CADM2: variants seen among roughly 807,000 people sequenced by gnomAD.
CADM2 encodes cell adhesion molecule 2, also known as immunoglobulin superfamily member 4D.
In CADM2, 12 loss-of-function variants were observed where a neutral mutation model predicts 49.8. The ratio of observed to expected loss-of-function variants is 0.24; its 90% CI spans 0.15 to 0.39. The LOEUF (loss-of-function observed/expected upper bound fraction) is 0.39, where lower values mean the gene tolerates loss of function less well. Ranked by LOEUF, CADM2 falls within the 10% of genes least tolerant of loss-of-function variation. CADM2 has a pLI of 1.00. For missense variants in CADM2, 378 were observed against 492.3 expected, an observed-to-expected ratio of 0.77 and a Z score of 2.20; for synonymous variants, 214 against 175.4, an observed-to-expected ratio of 1.22 and a Z score of -1.74.
At chr3:85,360,064 A>G (rs1262068165) in intron 1 of CADM2, among the ~76,000 whole-genome samples, 1 of 151,918 alleles carries the variant, frequency 6.6e-6, no homozygotes, top group Non-Finnish European at 1.5e-5. Flanking sequence ...CACGTATACA[A>G]AGATAAATAC....
intron 1 of CADM2, among the ~76,000 whole-genome samples, chr3:85,577,556 A>G (rs2062670166): frequency 6.6e-6 from 1 of 152,294 alleles, no homozygotes; most frequent in African/African-American, 2.4e-5. Context: ...AAAATCGCCC[A>G]GTCTGTGATA....
At chr3:85,259,289 C>G (rs1319638927) in intron 1 of CADM2, among the ~76,000 whole-genome samples, 1 of 152,096 alleles carries the variant, frequency 6.6e-6, no homozygotes, top group Non-Finnish European at 1.5e-5. Flanking sequence ...ATATTTTAGT[C>G]TGGTAACTAC....
At chr3:85,192,664 C>T (rs2041236324) in intron 1 of CADM2, among the ~76,000 whole-genome samples, 1 of 150,818 alleles carries the variant, frequency 6.6e-6, no homozygotes, top group Non-Finnish European at 1.5e-5. Context: ...AAATGAAGAT[C>T]AATGTGAAAT....
At chr3:85,875,611 A>T (rs1320194683) in intron 3 of CADM2, among the ~76,000 whole-genome samples, 1 of 152,178 alleles carries the variant, frequency 6.6e-6, no homozygotes, top group Non-Finnish European at 1.5e-5. Flanking sequence ...CCTGATTCTG[A>T]TCCTTGGGGG....
chr3:85,275,400 A>C (rs1388495344), intron 1 of CADM2, among the ~76,000 whole-genome samples: 1 of 151,472 alleles, frequency 6.6e-6, no homozygotes, highest in Non-Finnish European at 1.5e-5. Context: ...GATTCATTGT[A>C]GATTTGTTTT....
chr3:85,053,576 C>T (rs1387909473), intron 1 of CADM2, among the ~76,000 whole-genome samples: 1 of 151,766 alleles, frequency 6.6e-6, no homozygotes, highest in South Asian at 2.1e-4. Context: ...GGCAAATGAG[C>T]CATAGAGATA....
chr3:85,814,766 A>ATATTC lies in CADM2; in HGVS notation c.238+12579_238+12583dup, dbSNP rs1338855872. 7.2e-5 allele frequency among the ~76,000 whole-genome samples: 11 copies of ATATTC among 152,096 alleles called. No homozygotes were observed. In the East Asian group the frequency reaches 2.1e-3, roughly 29 times the overall value. On this transcript the variant is annotated intron_variant, in intron 3 of 9. Coordinates refer to ENST00000383699, the MANE Select transcript of CADM2 (RefSeq NM_001167675.2). ...TGGTAGTTCTATAGAATTCTATAGT[A>ATATTC]TATTCTATTCTATAGTATTCTATTC...
rs182588371 is a variant in CADM2 at position 85,072,011 on chromosome 3, T to C, written c.61+112343T>C. Among the ~76,000 whole-genome samples, 751 of 151,086 alleles carry C rather than the reference T, an allele frequency of 5.0e-3. 5 individuals carry two copies. Among genetic ancestry groups the C allele is most frequent in the Non-Finnish European group, 7.8e-3 (531 of 67,680 alleles). ...ATGAAATGGTAAACTGTAACAGCAA[T>C]AAAATTAGCTTTCATAGCATCATCT... On this transcript the variant is annotated intron_variant, in intron 1 of 9. Coordinates refer to ENST00000383699, the MANE Select transcript of CADM2 (RefSeq NM_001167675.2).
chr3:85,845,081 AGGAGTTTGAGGCT>A (rs946734078), intron 3 of CADM2, among the ~76,000 whole-genome samples: 1 of 149,842 alleles, frequency 6.7e-6, no homozygotes, highest in Non-Finnish European at 1.5e-5. Context: ...ACTTGAGCCC[AGGAGTTTGAGGCT>A]GGAGTGAGCC....
At chr3:85,472,579 G>A (rs936683565) in intron 1 of CADM2, among the ~76,000 whole-genome samples, 3 of 151,976 alleles carry the variant, frequency 2.0e-5, no homozygotes, top group Non-Finnish European at 4.4e-5. Context: ...GAAAATTTCA[G>A]ATGATAAATT....
chr3:86,013,696 C>T, intron 8 of CADM2: 1 of 1,601,082 alleles, frequency 6.2e-7, no homozygotes, highest in Non-Finnish European at 8.5e-7. Context: ...GTTGATGAAT[C>T]TCATAGCCTA....
intron 1 of CADM2, among the ~76,000 whole-genome samples, chr3:85,610,050 A>G (rs1386893031): frequency 6.6e-6 from 1 of 151,950 alleles, no homozygotes. Flanking sequence ...TTATTTCACG[A>G]TGGTAAAAAT....
chr3:85,313,857 AT>A (rs1474595664), intron 1 of CADM2, among the ~76,000 whole-genome samples: 3 of 152,156 alleles, frequency 2.0e-5, no homozygotes, highest in Non-Finnish European at 2.9e-5. Context: ...TAGGAAAGAA[AT>A]TGGCTATAAT....
At chr3:84,971,677 A>C (rs914805981) in intron 1 of CADM2, among the ~76,000 whole-genome samples, 1 of 152,166 alleles carries the variant, frequency 6.6e-6, no homozygotes, top group Non-Finnish European at 1.5e-5. Flanking sequence ...AGAACATATT[A>C]TCCCTGAAAG....
At chr3:85,967,612 C>T (rs1725628881) in intron 8 of CADM2, among the ~76,000 whole-genome samples, 1 of 151,582 alleles carries the variant, frequency 6.6e-6, no homozygotes, top group Admixed American at 6.6e-5. Context: ...TATCAATGAT[C>T]TGAGAACTTC....
intron 1 of CADM2, among the ~76,000 whole-genome samples, chr3:85,097,423 A>T (rs2037841478): frequency 6.6e-6 from 1 of 152,112 alleles, no homozygotes; most frequent in South Asian, 2.1e-4. Context: ...GGTTGGTTCC[A>T]AGTCTTTGCT....
chr3:86,045,620 A>G (rs371276963), intron 8 of CADM2, among the ~76,000 whole-genome samples: 1 of 152,270 alleles, frequency 6.6e-6, no homozygotes, highest in South Asian at 2.1e-4. Flanking sequence ...CATCTATCAG[A>G]AAATAAACAT....
At chr3:85,301,660 TCTG>T (rs1475641368) in intron 1 of CADM2, among the ~76,000 whole-genome samples, 3 of 152,032 alleles carry the variant, frequency 2.0e-5, no homozygotes, top group Non-Finnish European at 4.4e-5. Flanking sequence ...ATAAAATTGT[TCTG>T]CTGTATACGA....
At chr3:85,118,607 A>C (rs1275220380) in intron 1 of CADM2, among the ~76,000 whole-genome samples, 1 of 152,138 alleles carries the variant, frequency 6.6e-6, no homozygotes, top group Non-Finnish European at 1.5e-5. Flanking sequence ...ATTACCTCCC[A>C]CTGGGTGCTT....
Sources: gnomAD v4.1 joint callset for allele counts (sites outside exome capture counted in the v4.1 genomes callset) on GRCh38, gnomAD v4.1.1 for gene constraint, MANE v1.5 for transcripts, NCBI Gene and HGNC (gene_info 2026-07-23, HGNC 2026-07-21) for gene names.